The following HMCN1 variants were observed in gnomAD, a reference collection of about 807,000 sequenced individuals.
The protein encoded by HMCN1 is hemicentin-1.
A neutral mutation model predicts 625.9 loss-of-function variants in HMCN1; 321 were observed. The ratio of observed to expected loss-of-function variants is 0.51; its 90% CI spans 0.47 to 0.56. The LOEUF is 0.56. Ranked by LOEUF, HMCN1 falls within the 20% of genes least tolerant of loss-of-function variation. The pLI, the probability that HMCN1 is intolerant of heterozygous loss-of-function variation, is 0.00. For missense variants in HMCN1, 6,588 were observed against 6,887.3 expected, an observed-to-expected ratio of 0.96 and a Z score of 1.54; for synonymous variants, 2,425 against 2,417.6, an observed-to-expected ratio of 1.00 and a Z score of -0.09.
At chr1:185,902,324 C>T (rs1476000844) in intron 4 of HMCN1, among the ~76,000 whole-genome samples, 1 of 151,332 alleles carries the variant, frequency 6.6e-6, no homozygotes, top group Non-Finnish European at 1.5e-5. Flanking sequence ...ACTGTCCCTC[C>T]CATCTCCCTA....
chr1:186,179,724 C>G (rs1652821819), intron 104 of HMCN1, among the ~76,000 whole-genome samples: 1 of 152,072 alleles, frequency 6.6e-6, no homozygotes, highest in Non-Finnish European at 1.5e-5. Flanking sequence ...ATGCTTTTTG[C>G]TAAACATTTT....
intron 11 of HMCN1, among the ~76,000 whole-genome samples, chr1:185,956,731 T>G (rs980747589): frequency 6.6e-6 from 1 of 152,076 alleles, no homozygotes; most frequent in Non-Finnish European, 1.5e-5. Flanking sequence ...CTTCCCTGGA[T>G]TTTGAGGGTG....
At chr1:186,000,335 TG>T in intron 26 of HMCN1, 96 bp downstream of exon 26, 1 of 871,640 alleles carries the variant, frequency 1.1e-6, no homozygotes, top group African/African-American at 1.7e-5. Context: ...TTAATATTAA[TG>T]TGAATAGCAG....
At chr1:186,147,106 G>A (rs998831269) in intron 93 of HMCN1, among the ~76,000 whole-genome samples, 3 of 152,140 alleles carry the variant, frequency 2.0e-5, no homozygotes, top group Non-Finnish European at 4.4e-5. Context: ...TTGCAGCATG[G>A]CTTCCATTAC....
chr1:186,032,244 G>A (rs1655503345), intron 36 of HMCN1, among the ~76,000 whole-genome samples: 4 of 151,954 alleles, frequency 2.6e-5, no homozygotes, highest in African/African-American at 4.8e-5. Flanking sequence ...ATCAAAAAGT[G>A]GGCAAAGGAT....
rs1056320957 is a variant in HMCN1, at chr1:185,815,172, T to A, written c.269-30854T>A. Among the ~76,000 whole-genome samples the A allele has an allele frequency of 4.1e-4, 62 of 150,296 alleles. 6 individuals are homozygous for A. Among genetic ancestry groups the A allele is most frequent in the African/African-American group, 1.5e-3 (61 of 39,654 alleles). On this transcript the variant is annotated intron_variant, in intron 1 of 106. Coordinates refer to ENST00000271588, the MANE Select transcript of HMCN1 (RefSeq NM_031935.3). ...TGGTGGATCACTCAAATATACTAAT[T>A]ACATAATTTTGAAGAACCATATCCT...
At chr1:185,883,932 G>A (rs1459000474) in intron 4 of HMCN1, among the ~76,000 whole-genome samples, 1 of 127,698 alleles carries the variant, frequency 7.8e-6, no homozygotes, top group Non-Finnish European at 1.6e-5. Context: ...AGTGATTTTG[G>A]ATTGTAGACT....
intron 4 of HMCN1, among the ~76,000 whole-genome samples, chr1:185,883,807 T>A (rs1571498243): frequency 6.6e-6 from 1 of 151,604 alleles, no homozygotes; most frequent in East Asian, 1.9e-4. Context: ...TCATAATTAA[T>A]GTTGTTAGTT....
chr1:185,906,209 T>C (rs1351289855), intron 4 of HMCN1, among the ~76,000 whole-genome samples: 2 of 151,862 alleles, frequency 1.3e-5, no homozygotes, highest in South Asian at 2.1e-4. Context: ...TGATCTACTT[T>C]TATTCACATA....
rs553989843 is a variant in HMCN1 at position 185,828,738 on chromosome 1, T to G, written c.269-17288T>G. Among the ~76,000 whole-genome samples, 565 of 152,130 alleles carry G rather than the reference T, an allele frequency of 3.7e-3. 3 individuals are homozygous for G. The highest frequency in any genetic ancestry group is 7.7e-3 in the South Asian group (37 of 4,818). ...CAAGGGAGGTAAATTTTTTAAAAAC[T>G]TCATCAAATTTAAAAATCTCTCTTA... On this transcript the variant is annotated intron_variant, in intron 1 of 106. Transcript: ENST00000271588.
At chr1:185,848,747 T>C (rs745738124) in intron 2 of HMCN1, among the ~76,000 whole-genome samples, 2 of 152,184 alleles carry the variant, frequency 1.3e-5, no homozygotes, top group Non-Finnish European at 2.9e-5. Flanking sequence ...CCCAGCCAAA[T>C]ATCTGGATAC....
chr1:185,908,768 A>G (rs984470804), intron 4 of HMCN1, among the ~76,000 whole-genome samples: 2 of 150,748 alleles, frequency 1.3e-5, no homozygotes, highest in African/African-American at 4.9e-5. Flanking sequence ...TATTATAAAA[A>G]TGACTCTTTT....
At chr1:186,000,569 G>GTGTGTGTGTA (rs1374427906) in intron 26 of HMCN1, among the ~76,000 whole-genome samples, 1 of 136,870 alleles carries the variant, frequency 7.3e-6, no homozygotes, top group Admixed American at 6.9e-5. Flanking sequence ...ATGTGTGTGT[G>GTGTGTGTGTA]TGTGTGTGTG....
chr1:185,910,627 G>A (rs1666359872), intron 5 of HMCN1, among the ~76,000 whole-genome samples: 1 of 148,502 alleles, frequency 6.7e-6, no homozygotes, highest in African/African-American at 2.5e-5. Flanking sequence ...CTGAAGTGCA[G>A]TAGCATGACC....
intron 87 of HMCN1, 80 bp downstream of exon 87, chr1:186,137,017 C>A: frequency 1.3e-6 from 2 of 1,501,324 alleles, no homozygotes; most frequent in Non-Finnish European, 1.8e-6. Flanking sequence ...GCACTTTAGT[C>A]CAAGTCTCCT....
chr1:186,145,770 A>G lies in HMCN1; in HGVS notation c.14455A>G (p.Ser4819Gly). ...GTTCACAGTGGATGGAAGTTGGGGA[A>G]GCTGGCATAGTTGGAGCCAGTGCTC... ...DMCPVDGSWG[S>G]WHSWSQCSAS... The change falls in exon 93 of 107, where the codon AGC becomes GGC. Residue 4819 changes from serine to glycine, a missense_variant. Ser to Gly is a moderately conservative substitution (Grantham distance 56). This residue lies in a region of HMCN1 where 1,954 missense variants were observed against 2,013.1 expected (regional missense o/e 0.97). Coordinates refer to ENST00000271588, the MANE Select transcript of HMCN1 (RefSeq NM_031935.3). 1.2e-6 allele frequency: 2 copies of G among 1,614,158 alleles called. No homozygotes were observed. Among genetic ancestry groups the G allele is most frequent in the Non-Finnish European group, 1.7e-6 (2 of 1,179,990 alleles).
intron 26 of HMCN1, 96 bp downstream of exon 26, chr1:186,000,335 T>A: frequency 1.1e-6 from 1 of 871,638 alleles, no homozygotes; most frequent in Non-Finnish European, 1.9e-6. Context: ...TTAATATTAA[T>A]GTGAATAGCA....
intron 72 of HMCN1, among the ~76,000 whole-genome samples, chr1:186,113,715 A>C (rs188551236): frequency 1.9e-3 from 292 of 152,358 alleles, no homozygotes; most frequent in Non-Finnish European, 3.3e-3. Context: ...GTTTCATTTA[A>C]GCCTCTCTCA....
intron 4 of HMCN1, among the ~76,000 whole-genome samples, chr1:185,868,781 T>A (rs1208071546): frequency 1.3e-5 from 2 of 152,182 alleles, no homozygotes; most frequent in Non-Finnish European, 2.9e-5. Flanking sequence ...AGATAATTTG[T>A]AAGAAGAATA....
Sources: gnomAD v4.1 joint callset for allele counts (sites outside exome capture counted in the v4.1 genomes callset) on GRCh38, gnomAD v4.1.1 for gene constraint, gnomAD v4.1.1 regional missense constraint, MANE v1.5 for transcripts, NCBI Gene and HGNC (gene_info 2026-07-23, HGNC 2026-07-21) for gene names.